The following RALGAPA2 variants were observed in gnomAD, a reference collection of about 807,000 sequenced individuals.
RALGAPA2 encodes the protein Ral GTPase activating protein catalytic subunit alpha 2.
In RALGAPA2, 139 loss-of-function variants were observed where a neutral mutation model predicts 230.4. The observed-to-expected ratio is 0.60, with a 90% confidence interval of 0.53 to 0.69. The LOEUF (loss-of-function observed/expected upper bound fraction) is 0.69, where lower values mean the gene tolerates loss of function less well. Ranked by LOEUF, RALGAPA2 falls within the 30% of genes least tolerant of loss-of-function variation. The probability of loss-of-function intolerance (pLI) is 0.00; values close to 1 mark genes in which losing one functional copy is unlikely to be tolerated. For missense variants in RALGAPA2, 2,163 were observed against 2,276.0 expected, an observed-to-expected ratio of 0.95 and a Z score of 1.01; for synonymous variants, 847 against 837.8, an observed-to-expected ratio of 1.01 and a Z score of -0.19.
intron 18 of RALGAPA2, among the ~76,000 whole-genome samples, chr20:20,589,000 G>T (rs535977303): frequency 3.3e-5 from 5 of 152,190 alleles, no homozygotes; most frequent in South Asian, 4.2e-4. Context: ...ACAGGCAAAG[G>T]TAACTGCTTA....
In RALGAPA2 at chr20:20,390,704, A is replaced by AAAAAAAATAAC. The variant is rs1234340892; in HGVS notation, c.*2584_*2585insGTTATTTTTTT. The AAAAAAAATAAC allele has an allele frequency of 3.9e-5, 6 of 152,328 alleles. No individual in the cohort carries two copies. Among genetic ancestry groups the AAAAAAAATAAC allele is most frequent in the African/African-American group, 1.2e-4 (5 of 41,546 alleles). 9.4% of individuals were successfully genotyped at this position (152,328 alleles called of 1,614,324 possible). On this transcript the variant is annotated 3_prime_UTR_variant, in exon 40 of 40. Transcript: ENST00000202677. ...GCTTTTCTAAGTAAAAAAAAAATAAAAAAGAAACTTGATCATTGCAATTTT... is the reference window on the plus strand; with the variant it reads ...GCTTTTCTAAGTAAAAAAAAAATAAAAAAAAAATAACAAAGAAACTTGATCATTGCAATTTT...
intron 1 of RALGAPA2, among the ~76,000 whole-genome samples, chr20:20,689,578 G>T (rs1603246792): frequency 6.6e-6 from 1 of 152,190 alleles, no homozygotes; most frequent in East Asian, 1.9e-4. Flanking sequence ...GGAGGCGGAG[G>T]TTGCAGTGAG....
intron 36 of RALGAPA2, among the ~76,000 whole-genome samples, chr20:20,490,894 A>ACACACT (rs397779229): frequency 9.7e-5 from 14 of 144,952 alleles, no homozygotes; most frequent in African/African-American, 3.4e-4. Flanking sequence ...ACACACACAC[A>ACACACT]CTCACACTCA....
chr20:20,649,146 T>C (rs2067312379), intron 4 of RALGAPA2, among the ~76,000 whole-genome samples: 1 of 152,120 alleles, frequency 6.6e-6, no homozygotes, highest in Admixed American at 6.5e-5. Flanking sequence ...CTGCTGAACA[T>C]GGAGGCAGGT....
At chr20:20,463,987 C>G (rs943862861) in intron 37 of RALGAPA2, among the ~76,000 whole-genome samples, 12 of 152,122 alleles carry the variant, frequency 7.9e-5, no homozygotes, top group African/African-American at 2.4e-4. Context: ...GGTGCAAACC[C>G]GAGATTCTTC....
chr20:20,509,381 T>C (rs1420562573), intron 33 of RALGAPA2, among the ~76,000 whole-genome samples: 1 of 152,250 alleles, frequency 6.6e-6, no homozygotes, highest in Non-Finnish European at 1.5e-5. Flanking sequence ...GCAATGGAGC[T>C]GCAGGCTTCT....
intron 36 of RALGAPA2, among the ~76,000 whole-genome samples, chr20:20,485,065 T>C (rs1353566540): frequency 1.3e-5 from 2 of 151,348 alleles, no homozygotes; most frequent in Non-Finnish European, 2.9e-5. Context: ...TTTTTTGCAA[T>C]TTTTTTTAAG....
chr20:20,616,258 C>G lies in RALGAPA2; in HGVS notation c.1540-67G>C, dbSNP rs1022001826. The stretch of plus-strand genomic sequence containing the variant: ...TAAACATTTGAATAAATTTTGCTTA[C>G]AGATATTAATTTCACTCTACCAATG... On this transcript the variant is annotated intron_variant, in intron 12 of 39. Transcript: ENST00000202677. 8.3e-5 allele frequency: 101 copies of G among 1,219,840 alleles called. No individual in the cohort carries two copies. In the East Asian group the frequency reaches 2.7e-3, roughly 33 times the overall value. 75.6% of individuals were successfully genotyped at this position (1,219,840 alleles called of 1,614,324 possible).
At chr20:20,707,303 C>G (rs2069645614) in intron 1 of RALGAPA2, among the ~76,000 whole-genome samples, 1 of 152,096 alleles carries the variant, frequency 6.6e-6, no homozygotes, top group Admixed American at 6.5e-5. Flanking sequence ...ATGTTCAAAC[C>G]CAGCAATCTT....
chr20:20,600,133 G>T (rs957434692), intron 16 of RALGAPA2, among the ~76,000 whole-genome samples: 1 of 150,328 alleles, frequency 6.7e-6, no homozygotes, highest in Non-Finnish European at 1.5e-5. Flanking sequence ...CGTCTCTACT[G>T]AAGAAAAAAA....
chr20:20,681,314 T>C (rs1181467063), intron 1 of RALGAPA2, among the ~76,000 whole-genome samples: 1 of 152,184 alleles, frequency 6.6e-6, no homozygotes, highest in Admixed American at 6.5e-5. Context: ...AACTAGCACA[T>C]GCTCCCCAAC....
At chr20:20,544,179 T>C (rs1704141231) in intron 24 of RALGAPA2, among the ~76,000 whole-genome samples, 1 of 152,022 alleles carries the variant, frequency 6.6e-6, no homozygotes, top group Non-Finnish European at 1.5e-5. Flanking sequence ...CCCAGCACTT[T>C]GGGAGGCCCA....
chr20:20,473,432 T>C lies in RALGAPA2; in HGVS notation c.5368-476A>G, dbSNP rs892647769. Among the ~76,000 whole-genome samples the C allele has an allele frequency of 2.6e-5, 4 of 152,330 alleles. No homozygotes were observed. In the East Asian group the frequency reaches 5.8e-4, roughly 22 times the overall value. On this transcript the variant is annotated intron_variant, in intron 36 of 39. Transcript: ENST00000202677. Reference sequence around the variant, plus strand: ...ACTACAAAGTCCTACACAGTCCTCATTCTTCTCGACCTTTTCCCCCTCTGC... The same window carrying C: ...ACTACAAAGTCCTACACAGTCCTCACTCTTCTCGACCTTTTCCCCCTCTGC...
chr20:20,570,343 G>A (rs1396127555), intron 23 of RALGAPA2, among the ~76,000 whole-genome samples: 1 of 152,084 alleles, frequency 6.6e-6, no homozygotes, highest in Non-Finnish European at 1.5e-5. Flanking sequence ...AACAAAAAAA[G>A]TTTGCTTATC....
At chr20:20,556,489 C>T (rs1399079275) in intron 23 of RALGAPA2, among the ~76,000 whole-genome samples, 2 of 152,294 alleles carry the variant, frequency 1.3e-5, no homozygotes, top group East Asian at 3.9e-4. Context: ...CTTGAAGATG[C>T]CGTGGCCTGA....
At chr20:20,626,552 T>C (rs921744101) in intron 10 of RALGAPA2, among the ~76,000 whole-genome samples, 4 of 152,220 alleles carry the variant, frequency 2.6e-5, no homozygotes, top group Admixed American at 2.0e-4. Context: ...GAGCACACTA[T>C]TGCCAGGGGT....
chr20:20,413,498 C>T (rs748720325), intron 37 of RALGAPA2, among the ~76,000 whole-genome samples: 19 of 152,142 alleles, frequency 1.2e-4, no homozygotes, highest in Admixed American at 5.2e-4. Flanking sequence ...ACAAGCCACA[C>T]GTGGATATCT....
intron 18 of RALGAPA2, 114 bp downstream of exon 18, chr20:20,589,154 T>C (rs1042108200): frequency 1.4e-6 from 2 of 1,380,750 alleles, no homozygotes; most frequent in African/African-American, 2.9e-5. Context: ...GCCTATAAAC[T>C]GTCTAAATGG....
chr20:20,595,535 T>A (rs1409631731), intron 16 of RALGAPA2, among the ~76,000 whole-genome samples: 2 of 152,200 alleles, frequency 1.3e-5, no homozygotes, highest in Admixed American at 6.5e-5. Flanking sequence ...AATATGCTTT[T>A]TTAGAATAAG....
Sources: allele counts gnomAD v4.1 joint callset (sites outside exome capture counted in the v4.1 genomes callset), GRCh38; gene constraint gnomAD v4.1.1; transcripts MANE v1.5; gene names NCBI Gene and HGNC (gene_info 2026-07-23, HGNC 2026-07-21).